EXOC4: variants seen among roughly 807,000 people sequenced by gnomAD.
The protein encoded by EXOC4 is exocyst complex component 4, also known as SEC8-like 1.
A neutral mutation model predicts 107.2 loss-of-function variants in EXOC4; 71 were observed. That is an observed-to-expected ratio of 0.66 (90% confidence interval 0.55 to 0.81). The LOEUF (loss-of-function observed/expected upper bound fraction) is 0.81, where lower values mean the gene tolerates loss of function less well. EXOC4 is among the 30% of genes least tolerant of loss of function. EXOC4 has a pLI of 0.00. For missense variants in EXOC4, 1,108 were observed against 1,189.6 expected (o/e 0.93, Z 1.01); for synonymous variants, 456 against 441.2 (o/e 1.03, Z -0.42).
chr7:133,680,250 G>A (rs557637644), intron 10 of EXOC4, among the ~76,000 whole-genome samples: 1 of 152,192 alleles, frequency 6.6e-6, no homozygotes, highest in Admixed American at 6.5e-5. Context: ...AGGCATATGG[G>A]CCTTTTATTT....
At chr7:134,014,761 A>G (rs922347924) in intron 17 of EXOC4, among the ~76,000 whole-genome samples, 5 of 152,088 alleles carry the variant, frequency 3.3e-5, no homozygotes, top group African/African-American at 1.2e-4. Context: ...TCTGAAAATT[A>G]TATGGTATAT....
intron 9 of EXOC4, among the ~76,000 whole-genome samples, chr7:133,568,188 A>G (rs1240642396): frequency 6.6e-6 from 1 of 151,430 alleles, no homozygotes; most frequent in African/African-American, 2.4e-5. Context: ...GTCTCCTCAT[A>G]TTATTTTGAG....
intron 9 of EXOC4, among the ~76,000 whole-genome samples, chr7:133,505,572 T>C (rs1266563515): frequency 6.6e-6 from 1 of 152,140 alleles, no homozygotes; most frequent in African/African-American, 2.4e-5. Context: ...CAAGAACTTC[T>C]CTTTGTATAT....
At chr7:133,460,995 TG>T (rs1304749749) in intron 7 of EXOC4, among the ~76,000 whole-genome samples, 1 of 152,156 alleles carries the variant, frequency 6.6e-6, no homozygotes, top group Non-Finnish European at 1.5e-5. Flanking sequence ...TAATCATCTG[TG>T]GGTCCTCTAG....
intron 11 of EXOC4, among the ~76,000 whole-genome samples, chr7:133,854,468 C>G (rs1798307663): frequency 6.7e-6 from 1 of 149,320 alleles, no homozygotes; most frequent in Non-Finnish European, 1.5e-5. Context: ...TAATCCTGTG[C>G]TTCACATGCT....
intron 9 of EXOC4, among the ~76,000 whole-genome samples, chr7:133,555,083 T>C (rs1800666379): frequency 6.6e-6 from 1 of 152,212 alleles, no homozygotes. Flanking sequence ...TTTATCTAAA[T>C]AATAGTGAAC....
At chr7:133,715,148 C>T (rs1794974128) in intron 10 of EXOC4, among the ~76,000 whole-genome samples, 2 of 152,122 alleles carry the variant, frequency 1.3e-5, no homozygotes. Context: ...CTGGGTATTC[C>T]AGTATCTCTA....
At position 133,960,801 on chromosome 7, in the gene EXOC4, C is replaced by A. The variant is rs557318039; in HGVS notation, c.2206+22732C>A. ...ATTGATTATAAGATCACAGAACTTGCAAGTTTGACAGAACCTCAGCCAGTA... is the reference window on the plus strand; with the variant it reads ...ATTGATTATAAGATCACAGAACTTGAAAGTTTGACAGAACCTCAGCCAGTA... On this transcript the variant is annotated intron_variant, in intron 14 of 17. Coordinates refer to ENST00000253861, the MANE Select transcript of EXOC4 (RefSeq NM_021807.4). Among the ~76,000 whole-genome samples the A allele has an allele frequency of 5.9e-5, 9 of 152,256 alleles. No homozygotes were observed. In the East Asian group the frequency reaches 9.6e-4, roughly 16 times the overall value.
At chr7:133,578,237 C>T (rs1289224508) in intron 9 of EXOC4, among the ~76,000 whole-genome samples, 2 of 152,100 alleles carry the variant, frequency 1.3e-5, no homozygotes, top group Non-Finnish European at 2.9e-5. Flanking sequence ...TCATCTTAGA[C>T]TTATCGGGAT....
Position 133,435,249 on chromosome 7 carries a change from C to T in EXOC4, c.1183-40079C>T, listed in dbSNP as rs535307009. ...GGTCATCTTGTCACATGTGAAGGCA[C>T]GGACAACGTTCCATCGTGCTGAACC... On this transcript the variant is annotated intron_variant, in intron 7 of 17. Coordinates refer to ENST00000253861, the MANE Select transcript of EXOC4 (RefSeq NM_021807.4). 4.6e-5 allele frequency among the ~76,000 whole-genome samples: 7 copies of T among 152,120 alleles called. No individual in the cohort carries two copies. In the South Asian group the frequency reaches 8.3e-4, roughly 18 times the overall value.
rs144467455 is a variant in EXOC4, at chr7:133,613,545, A to G, written c.1418-16500A>G. On this transcript the variant is annotated intron_variant, in intron 9 of 17. Transcript: ENST00000253861. ...TTGAATAACTCCATGGAACCCATAC[A>G]AAGCACCGTTAGTCACAGTGGAAGT... Among the ~76,000 whole-genome samples, 421 of 152,258 alleles carry G rather than the reference A, an allele frequency of 2.8e-3. 5 individuals carry two copies. The highest frequency in any genetic ancestry group is 9.5e-3 in the African/African-American group (395 of 41,570).
chr7:134,063,420 C>A lies in EXOC4; in HGVS notation c.2688-871C>A, dbSNP rs1796113702. ...TGTCAAGTGTCCGTGAAAAAACAGTCTTGAACTTAGAGTCAGAAACCTGGG... is the reference window on the plus strand; with the variant it reads ...TGTCAAGTGTCCGTGAAAAAACAGTATTGAACTTAGAGTCAGAAACCTGGG... On this transcript the variant is annotated intron_variant, in intron 17 of 17. Coordinates refer to ENST00000253861, the MANE Select transcript of EXOC4 (RefSeq NM_021807.4). Among the ~76,000 whole-genome samples the A allele has an allele frequency of 3.9e-5, 6 of 152,214 alleles. No homozygotes were observed. The South Asian group carries it at 1.2e-3, about 31-fold the overall frequency.
intron 12 of EXOC4, among the ~76,000 whole-genome samples, chr7:133,903,508 A>G (rs1799501433): frequency 2.0e-5 from 3 of 152,156 alleles, no homozygotes. Context: ...GAGAGAAAGA[A>G]AGGTGTCAAA....
intron 10 of EXOC4, among the ~76,000 whole-genome samples, chr7:133,755,235 A>T (rs1477037573): frequency 2.0e-5 from 2 of 98,542 alleles, no homozygotes; most frequent in Non-Finnish European, 3.9e-5. Context: ...TATATATATA[A>T]TATATATAAT....
chr7:133,765,402 C>A (rs1049507414), intron 10 of EXOC4, among the ~76,000 whole-genome samples: 4 of 151,914 alleles, frequency 2.6e-5, no homozygotes, highest in Admixed American at 2.6e-4. Flanking sequence ...TTTCAAATGG[C>A]TTGTTCTCAT....
rs113220614 is a variant in EXOC4 at position 133,669,204 on chromosome 7, G to A, written c.1514+39063G>A. Among the ~76,000 whole-genome samples the A allele has an allele frequency of 2.1e-3, 321 of 152,076 alleles. 1 individual carries two copies. Among genetic ancestry groups the A allele is most frequent in the African/African-American group, 7.4e-3 (307 of 41,500 alleles). On this transcript the variant is annotated intron_variant, in intron 10 of 17. Coordinates refer to ENST00000253861, the MANE Select transcript of EXOC4 (RefSeq NM_021807.4). ...CCATGACTGGAGGGAGGGGTAAGGA[G>A]CCAAATCGAGCTGTCTCTGGTGGAT...
At chr7:133,765,737 C>G (rs1476352693) in intron 10 of EXOC4, among the ~76,000 whole-genome samples, 1 of 151,774 alleles carries the variant, frequency 6.6e-6, no homozygotes. Flanking sequence ...GCAGACTGAC[C>G]CATCATTTTT....
rs76413777 is a variant in EXOC4, at chr7:134,001,451, C to T, written c.2349-3461C>T. On this transcript the variant is annotated intron_variant, in intron 15 of 17. Transcript: ENST00000253861. ...AAATACTTTATTTGAATTTGGCATT[C>T]GCTGATGACTATTTTAATTTCTTTT... Among the ~76,000 whole-genome samples, 236 of 142,614 alleles carry T rather than the reference C, an allele frequency of 1.7e-3. 5 individuals carry two copies. In the East Asian group the frequency reaches 0.046, roughly 28 times the overall value. 93.6% of individuals were successfully genotyped at this position (142,614 alleles called of 152,430 possible).
At chr7:133,704,976 T>C (rs1411410338) in intron 10 of EXOC4, among the ~76,000 whole-genome samples, 2 of 152,228 alleles carry the variant, frequency 1.3e-5, no homozygotes, top group African/African-American at 4.8e-5. Context: ...TAGATCTTAG[T>C]AACCTCAGCA....
Sources: allele counts gnomAD v4.1 joint callset (sites outside exome capture counted in the v4.1 genomes callset), GRCh38; gene constraint gnomAD v4.1.1; transcripts MANE v1.5; gene names NCBI Gene and HGNC (gene_info 2026-07-23, HGNC 2026-07-21).